Variants in CLDN18 observed in about 807,000 individuals in gnomAD.
CLDN18 encodes claudin-18.
A neutral mutation model predicts 25.0 loss-of-function variants in CLDN18; 20 were observed. The observed-to-expected ratio is 0.80, with a 90% CI of 0.56 to 1.16. CLDN18 has a LOEUF of 1.16. CLDN18 is among the 50% of genes most tolerant of loss of function. The pLI, the probability that CLDN18 is intolerant of heterozygous loss-of-function variation, is 0.00. For synonymous variants in CLDN18, 125 were observed against 135.6 expected (o/e 0.92, Z 0.54); for missense variants, 297 against 345.4 (o/e 0.86, Z 1.11).
upstream of CLDN18, among the ~76,000 whole-genome samples, chr3:138,006,177 G>A (rs1007317650): frequency 2.0e-4 from 30 of 152,254 alleles, no homozygotes; most frequent in Middle Eastern, 3.4e-3. Flanking sequence ...ACCAAAAGGT[G>A]AAATTAAAAA....
rs1465226255 is a variant in CLDN18, at chr3:138,033,125, T to A, written c.*1984T>A. ...AAGGATCTTCAGGCTGAACAGACTA[T>A]GTCTGGGGAAAGAACGGATTATGCC... On this transcript the variant is annotated 3_prime_UTR_variant, in exon 5 of 5. Coordinates refer to ENST00000183605, the MANE Select transcript of CLDN18 (RefSeq NM_016369.4). The A allele has an allele frequency of 6.6e-6, 1 of 152,246 alleles. No homozygotes were observed. Among genetic ancestry groups the A allele is most frequent in the East Asian group, 1.9e-4 (1 of 5,198 alleles). 9.4% of individuals were successfully genotyped at this position (152,246 alleles called of 1,614,324 possible).
chr3:138,016,255 T>G (rs1372089961), intron 1 of CLDN18, among the ~76,000 whole-genome samples: 1 of 152,156 alleles, frequency 6.6e-6, no homozygotes, highest in Non-Finnish European at 1.5e-5. Flanking sequence ...AAGGCAAAGC[T>G]TCTAAGTCTG....
chr3:137,999,919 T>G (rs1446120398), intron 1 of CLDN18, among the ~76,000 whole-genome samples: 4 of 152,302 alleles, frequency 2.6e-5, no homozygotes, highest in African/African-American at 9.6e-5. Flanking sequence ...TGAATAAATT[T>G]GTCGTTTTTA....
At chr3:138,013,533 A>G (rs1467772359) in intron 1 of CLDN18, among the ~76,000 whole-genome samples, 1 of 152,236 alleles carries the variant, frequency 6.6e-6, no homozygotes. Flanking sequence ...AACAGTTCTT[A>G]ACTGCTTCAA....
At chr3:138,025,311 C>T (rs1049920912) in intron 3 of CLDN18, among the ~76,000 whole-genome samples, 5 of 152,292 alleles carry the variant, frequency 3.3e-5, no homozygotes, top group South Asian at 2.1e-4. Context: ...AACCCCACTA[C>T]GATTTGGTGT....
At chr3:138,022,342 G>T (rs1001213378) in intron 1 of CLDN18, among the ~76,000 whole-genome samples, 1 of 152,248 alleles carries the variant, frequency 6.6e-6, no homozygotes, top group Admixed American at 6.5e-5. Flanking sequence ...ACTACTCAAA[G>T]TAGGGCCTGT....
At chr3:138,008,369 C>T (rs771267333), upstream of CLDN18, among the ~76,000 whole-genome samples, 2 of 151,988 alleles carry the variant, frequency 1.3e-5, no homozygotes, top group African/African-American at 4.8e-5. Flanking sequence ...TTTGGGAGGC[C>T]GAGGCAGGCA....
chr3:138,023,880 T>C, intron 2 of CLDN18, 58 bp downstream of exon 2: 1 of 1,542,644 alleles, frequency 6.5e-7, no homozygotes, highest in South Asian at 1.2e-5. Context: ...ATTATTCTGG[T>C]AGAGAAAACA....
rs776122882 is a variant in CLDN18 at position 138,024,728 on chromosome 3, A to C, written c.503+4A>C. The C allele has an allele frequency of 6.6e-7, 1 of 1,509,328 alleles. No individual in the cohort carries two copies. Among genetic ancestry groups the C allele is most frequent in the Non-Finnish European group, 9.2e-7 (1 of 1,086,292 alleles). 93.5% of individuals were successfully genotyped at this position (1,509,328 alleles called of 1,614,324 possible). A position where few individuals can be genotyped will look rare whatever the true frequency, so the allele number is the denominator to read the frequency against. On this transcript the variant is annotated splice_donor_region_variant and intron_variant, in intron 3 of 4. Transcript: ENST00000183605. ...TGGTGCAGACTGTTCAGACCAGGTA[A>C]CCTCCTAATCTAGGTCTCGGCATTC...
intron 3 of CLDN18, among the ~76,000 whole-genome samples, chr3:138,025,701 G>C (rs1040723992): frequency 6.6e-6 from 1 of 152,222 alleles, no homozygotes; most frequent in Admixed American, 6.5e-5. Flanking sequence ...CAACTTAGAA[G>C]TAGGTTGACC....
rs908907153 is a variant in CLDN18, at chr3:138,032,545, C to A, written c.*1404C>A. On this transcript the variant is annotated 3_prime_UTR_variant, in exon 5 of 5. Coordinates refer to ENST00000183605, the MANE Select transcript of CLDN18 (RefSeq NM_016369.4). The stretch of plus-strand genomic sequence containing the variant: ...TGTAATGTTTCCAAGTGACAGGTAT[C>A]CACATTTGCATGGTTACAAGCCACT... The A allele has an allele frequency of 4.6e-5, 7 of 151,498 alleles. No individual in the cohort carries two copies. Among genetic ancestry groups the A allele is most frequent in the Non-Finnish European group, 7.4e-5 (5 of 67,978 alleles). 9.4% of individuals were successfully genotyped at this position (151,498 alleles called of 1,614,324 possible). A position where few individuals can be genotyped will look rare whatever the true frequency, so the allele number is the denominator to read the frequency against.
At chr3:137,999,561 C>A (rs1355866151) in intron 1 of CLDN18, among the ~76,000 whole-genome samples, 1 of 152,112 alleles carries the variant, frequency 6.6e-6, no homozygotes, top group African/African-American at 2.4e-5. Flanking sequence ...AGAAATCGGG[C>A]AGAGGAAAAA....
chr3:138,008,217 TGG>T (rs1383408441), upstream of CLDN18, among the ~76,000 whole-genome samples: 1 of 45,534 alleles, frequency 2.2e-5, no homozygotes, highest in Admixed American at 2.6e-4. Flanking sequence ...AGTATGTATG[TGG>T]GGGGGGAGTG....
At chr3:138,008,513 G>C (rs1942093251), upstream of CLDN18, among the ~76,000 whole-genome samples, 1 of 152,244 alleles carries the variant, frequency 6.6e-6, no homozygotes, top group Non-Finnish European at 1.5e-5. Context: ...TGAGGCAGGA[G>C]AATCGCTTGA....
At chr3:138,018,368 G>T (rs1181704319) in intron 1 of CLDN18, among the ~76,000 whole-genome samples, 1 of 129,644 alleles carries the variant, frequency 7.7e-6, no homozygotes, top group Non-Finnish European at 1.6e-5. Flanking sequence ...ACGGAGTCTC[G>T]CTCTGTCGCC....
chr3:138,031,129 C>T lies in CLDN18; in HGVS notation c.774C>T (p.His258=), dbSNP rs750815878. ...EDEVQSYPSK[H]DYV ...AGGTACAATCTTATCCTTCCAAGCA[C>T]GACTATGTGTAATGCTCTAAGACCT... Residue 258 remains histidine (H), a synonymous_variant, in exon 5 of 5, where the codon CAC becomes CAT. Transcript: ENST00000183605. 4 of 1,613,252 alleles carry T rather than the reference C, an allele frequency of 2.5e-6. No individual in the cohort carries two copies. The highest frequency in any genetic ancestry group is 2.7e-5 in the African/African-American group (2 of 74,872).
intron 1 of CLDN18, among the ~76,000 whole-genome samples, chr3:138,017,679 G>A (rs1461410099): frequency 1.7e-4 from 26 of 152,180 alleles, no homozygotes; most frequent in Non-Finnish European, 3.7e-4. Flanking sequence ...AGCCCTAGAA[G>A]GTGAAGTGAT....
Position 137,999,117 on chromosome 3 carries a change from G to A in CLDN18, c.220+29G>A, listed in dbSNP as rs1206214340. ...AGGGCCAGGTGTCTGGCTGGCTGGA[G>A]GGAGAGATTGGAGGTGGAGAGGAAA... On this transcript the variant is annotated intron_variant, in intron 1 of 4. Transcript: ENST00000343735. 4.4e-6 allele frequency: 7 copies of A among 1,597,048 alleles called. No individual in the cohort carries two copies. In the South Asian group the frequency reaches 5.5e-5, roughly 13 times the overall value.
intron 1 of CLDN18, among the ~76,000 whole-genome samples, chr3:138,002,743 T>C (rs1042755710): frequency 3.9e-5 from 6 of 152,162 alleles, no homozygotes; most frequent in African/African-American, 1.4e-4. Context: ...ACCCTAGGCA[T>C]AGAACTGGTG....
Sources: allele counts gnomAD v4.1 joint callset (sites outside exome capture counted in the v4.1 genomes callset), GRCh38; gene constraint gnomAD v4.1.1; transcripts MANE v1.5; gene names NCBI Gene and HGNC (gene_info 2026-07-23, HGNC 2026-07-21).